CADPS2: variants seen among roughly 807,000 people sequenced by gnomAD.
The protein encoded by CADPS2 is calcium-dependent secretion activator 2.
CADPS2 carries 93 observed loss-of-function variants against 172.5 expected under a neutral mutation model. The ratio of observed to expected loss-of-function variants is 0.54; its 90% CI spans 0.46 to 0.64. The LOEUF is 0.64. Ranked by LOEUF, CADPS2 falls within the 30% of genes least tolerant of loss-of-function variation. The probability of loss-of-function intolerance (pLI) is 0.00; values close to 1 mark genes in which losing one functional copy is unlikely to be tolerated. For synonymous variants in CADPS2, 546 were observed against 555.2 expected (o/e 0.98, Z 0.23); for missense variants, 1,420 against 1,565.9 (o/e 0.91, Z 1.57).
At chr7:122,741,466 A>G (rs1253933989) in intron 1 of CADPS2, among the ~76,000 whole-genome samples, 1 of 152,196 alleles carries the variant, frequency 6.6e-6, no homozygotes, top group Non-Finnish European at 1.5e-5. Flanking sequence ...AACTCAAAAC[A>G]GTTATGAAGC....
intron 25 of CADPS2, among the ~76,000 whole-genome samples, chr7:122,375,744 A>G (rs959599504): frequency 2.6e-5 from 4 of 152,206 alleles, no homozygotes; most frequent in South Asian, 2.1e-4. Flanking sequence ...ACAGGCAACA[A>G]AATATTTTTT....
intron 14 of CADPS2, among the ~76,000 whole-genome samples, chr7:122,463,227 A>C (rs910630285): frequency 2.0e-5 from 3 of 152,244 alleles, no homozygotes; most frequent in Non-Finnish European, 4.4e-5. Context: ...ACAAGTGATA[A>C]AGAATTGGTA....
intron 27 of CADPS2, among the ~76,000 whole-genome samples, chr7:122,353,144 T>C (rs1221299204): frequency 1.3e-5 from 2 of 152,186 alleles, no homozygotes; most frequent in African/African-American, 4.8e-5. Flanking sequence ...ATGGCAATAC[T>C]TTTAAATACT....
intron 2 of CADPS2, chr7:122,676,899 T>C: frequency 2.1e-6 from 1 of 470,648 alleles, no homozygotes; most frequent in Non-Finnish European, 3.8e-6. Context: ...TTGTTGGCAC[T>C]GTTTTGTGCC....
intron 8 of CADPS2, among the ~76,000 whole-genome samples, chr7:122,517,513 C>T (rs999215253): frequency 6.6e-6 from 1 of 152,000 alleles, no homozygotes; most frequent in Non-Finnish European, 1.5e-5. Context: ...TTTTGAGTTA[C>T]CATCAGCAAA....
At chr7:122,806,035 G>T (rs575603896) in intron 1 of CADPS2, among the ~76,000 whole-genome samples, 41 of 152,238 alleles carry the variant, frequency 2.7e-4, no homozygotes, top group African/African-American at 9.4e-4. Context: ...GCAAACCTTT[G>T]TTTTATGATC....
intron 2 of CADPS2, among the ~76,000 whole-genome samples, chr7:122,686,620 TGGG>T (rs956114886): frequency 2.0e-5 from 3 of 152,178 alleles, no homozygotes; most frequent in African/African-American, 7.2e-5. Context: ...TGCTTTTCCC[TGGG>T]GACAGAAAGT....
intron 1 of CADPS2, among the ~76,000 whole-genome samples, chr7:122,752,742 A>T (rs1384334679): frequency 1.3e-5 from 2 of 152,180 alleles, no homozygotes; most frequent in Non-Finnish European, 2.9e-5. Flanking sequence ...TTCCTACAAC[A>T]GGTTAATATA....
chr7:122,553,007 CTTTG>C (rs1563681236), intron 8 of CADPS2, among the ~76,000 whole-genome samples: 1 of 152,060 alleles, frequency 6.6e-6, no homozygotes, highest in Non-Finnish European at 1.5e-5. Flanking sequence ...GACTCCCTGC[CTTTG>C]TACATGCTGT....
intron 2 of CADPS2, among the ~76,000 whole-genome samples, chr7:122,673,263 T>C (rs1281731720): frequency 6.6e-6 from 1 of 152,210 alleles, no homozygotes; most frequent in Non-Finnish European, 1.5e-5. Context: ...CGCAGCTGGC[T>C]CTGGCAGCCT....
chr7:122,575,031 A>G (rs1416271274), intron 7 of CADPS2, among the ~76,000 whole-genome samples: 1 of 152,170 alleles, frequency 6.6e-6, no homozygotes, highest in African/African-American at 2.4e-5. Context: ...AACATTATGT[A>G]GGTGGATGCT....
At chr7:122,615,431 G>A (rs1343131026) in intron 5 of CADPS2, 132 bp from the exon 6 acceptor site, 3 of 485,178 alleles carry the variant, frequency 6.2e-6, no homozygotes, top group East Asian at 3.1e-5. Flanking sequence ...TAACATCACT[G>A]GTATTTTATC....
intron 11 of CADPS2, among the ~76,000 whole-genome samples, chr7:122,485,977 CAT>C (rs1299379106): frequency 1.3e-5 from 2 of 152,104 alleles, no homozygotes; most frequent in Non-Finnish European, 2.9e-5. Flanking sequence ...CTGTTTACAG[CAT>C]AGTTTACTGA....
chr7:122,329,876 G>A (rs2034609574), intron 28 of CADPS2, among the ~76,000 whole-genome samples: 1 of 152,152 alleles, frequency 6.6e-6, no homozygotes, highest in East Asian at 1.9e-4. Context: ...TCAAGCAAAT[G>A]ATTTTTGTCA....
chr7:122,384,698 T>TG (rs1358133203), intron 24 of CADPS2, among the ~76,000 whole-genome samples: 1 of 152,090 alleles, frequency 6.6e-6, no homozygotes, highest in Admixed American at 6.6e-5. Flanking sequence ...GTGAAAGTTG[T>TG]GGGGAACTAA....
At chr7:122,501,132 G>A (rs981345543) in intron 9 of CADPS2, among the ~76,000 whole-genome samples, 2 of 152,058 alleles carry the variant, frequency 1.3e-5, no homozygotes, top group Non-Finnish European at 1.5e-5. Context: ...GCATATGCCT[G>A]TAGTCCCAGC....
chr7:122,637,846 G>T (rs953880632), intron 3 of CADPS2, among the ~76,000 whole-genome samples: 5 of 152,172 alleles, frequency 3.3e-5, no homozygotes, highest in African/African-American at 1.2e-4. Flanking sequence ...CCATTTCTGG[G>T]TGCTTGCAGA....
Position 122,719,175 on chromosome 7 carries a change from G to T in CADPS2, c.453+17780C>A, listed in dbSNP as rs556766964. On this transcript the variant is annotated intron_variant, in intron 2 of 29. Coordinates refer to ENST00000449022, the MANE Select transcript of CADPS2 (RefSeq NM_017954.11). ...CATCAGTCACTGAGAGGGCCCTGAG[G>T]GGTGGGACAGCTTGACTGGTGCCAA... 1.3e-4 allele frequency among the ~76,000 whole-genome samples: 20 copies of T among 152,112 alleles called. No individual in the cohort carries two copies. In the East Asian group the frequency reaches 3.9e-3, roughly 30 times the overall value.
At chr7:122,638,361 A>G (rs1200223505) in intron 3 of CADPS2, among the ~76,000 whole-genome samples, 2 of 152,174 alleles carry the variant, frequency 1.3e-5, no homozygotes, top group Non-Finnish European at 1.5e-5. Context: ...AGTTAGGAGC[A>G]GGGTGAAGTT....
Sources: gnomAD v4.1 joint callset for allele counts (sites outside exome capture counted in the v4.1 genomes callset) on GRCh38, gnomAD v4.1.1 for gene constraint, MANE v1.5 for transcripts, NCBI Gene and HGNC (gene_info 2026-07-23, HGNC 2026-07-21) for gene names.